COL19A1: variants seen among roughly 807,000 people sequenced by gnomAD.
COL19A1 encodes the protein collagen type XIX alpha 1 chain.
Under a neutral mutation model 190.2 loss-of-function variants are expected in COL19A1, and 159 were observed. That is an observed-to-expected ratio of 0.84 (90% confidence interval 0.73 to 0.95). The LOEUF (loss-of-function observed/expected upper bound fraction) is 0.95, where lower values mean the gene tolerates loss of function less well. Among genes scored for constraint, COL19A1 ranks in the 40% least tolerant of loss-of-function variants. The pLI is 0.00. For missense variants in COL19A1, 1,418 were observed against 1,431.9 expected (o/e 0.99, Z 0.16); for synonymous variants, 509 against 458.9 (o/e 1.11, Z -1.39).
intron 16 of COL19A1, among the ~76,000 whole-genome samples, chr6:70,116,044 C>T (rs3828772): frequency 6.6e-6 from 1 of 151,682 alleles, no homozygotes; most frequent in Non-Finnish European, 1.5e-5. Context: ...TTGAGTCCCC[C>T]AATATTTTCT....
intron 15 of COL19A1, chr6:70,098,584 G>A: frequency 2.4e-6 from 1 of 425,334 alleles, no homozygotes; most frequent in East Asian, 5.8e-5. Context: ...ATTTGCCACA[G>A]GATGACTTCT....
At chr6:69,966,139 C>T (rs997572573) in intron 11 of COL19A1, among the ~76,000 whole-genome samples, 71 of 152,232 alleles carry the variant, frequency 4.7e-4, no homozygotes, top group Admixed American at 1.0e-3. Context: ...CATTAGAAGC[C>T]GTCCGGGAGG....
chr6:69,892,167 C>T (rs972055433), intron 2 of COL19A1, among the ~76,000 whole-genome samples: 2 of 152,292 alleles, frequency 1.3e-5, no homozygotes, highest in South Asian at 2.1e-4. Flanking sequence ...AAGGAAACCT[C>T]CGAGTGGTGG....
At chr6:70,176,476 T>G in intron 41 of COL19A1, 44 bp from the exon 42 acceptor site, 1 of 1,587,736 alleles carries the variant, frequency 6.3e-7, no homozygotes, top group Non-Finnish European at 8.6e-7. Flanking sequence ...AACTAAAGAC[T>G]TCATTGATGT....
At chr6:69,868,688 T>C (rs990560871) in intron 1 of COL19A1, among the ~76,000 whole-genome samples, 3 of 152,186 alleles carry the variant, frequency 2.0e-5, no homozygotes, top group African/African-American at 7.2e-5. Context: ...ATTACCACAA[T>C]TGGGACATCA....
At chr6:70,031,365 G>A (rs1562101946) in intron 12 of COL19A1, among the ~76,000 whole-genome samples, 1 of 151,986 alleles carries the variant, frequency 6.6e-6, no homozygotes, top group Admixed American at 6.6e-5. Context: ...TTAAAAGTAT[G>A]CTTATCCTAC....
At chr6:69,902,198 A>G (rs755901380) in intron 4 of COL19A1, among the ~76,000 whole-genome samples, 2 of 152,328 alleles carry the variant, frequency 1.3e-5, no homozygotes, top group African/African-American at 2.4e-5. Context: ...CTTCTCTTGC[A>G]TGATGCCATT....
chr6:69,938,808 C>T (rs1320041668), intron 9 of COL19A1, among the ~76,000 whole-genome samples: 1 of 152,048 alleles, frequency 6.6e-6, no homozygotes, highest in African/African-American at 2.4e-5. Context: ...TCCCATGACT[C>T]AAAACTTAAC....
rs111576266 is a variant in COL19A1 at position 70,130,588 on chromosome 6, C to T, written c.1383+365C>T. ...TTTTATACGGACTTACACATTCCCA[C>T]GTAGGGGGCAGCCCCCTGGCAGCAG... On this transcript the variant is annotated intron_variant, in intron 18 of 50. Transcript: ENST00000620364. Among the ~76,000 whole-genome samples the T allele has an allele frequency of 8.3e-4, 126 of 152,320 alleles. 1 individual carries two copies. The highest frequency in any genetic ancestry group is 2.8e-3 in the African/African-American group (116 of 41,574).
intron 4 of COL19A1, among the ~76,000 whole-genome samples, chr6:69,908,299 A>G (rs1260329775): frequency 1.3e-5 from 2 of 152,176 alleles, no homozygotes; most frequent in African/African-American, 4.8e-5. Context: ...ATGCCTATTT[A>G]TGCATCCCTT....
At chr6:70,028,568 A>G (rs575493829) in intron 12 of COL19A1, among the ~76,000 whole-genome samples, 1 of 152,064 alleles carries the variant, frequency 6.6e-6, no homozygotes, top group East Asian at 1.9e-4. Context: ...CTTTTTTTGG[A>G]AGAAGATTTC....
At chr6:70,110,456 T>C (rs889124397) in intron 16 of COL19A1, among the ~76,000 whole-genome samples, 2 of 152,214 alleles carry the variant, frequency 1.3e-5, no homozygotes, top group African/African-American at 4.8e-5. Flanking sequence ...GATGACACTT[T>C]CTCAGATTTA....
chr6:70,166,278 A>G (rs1319736277), intron 37 of COL19A1, among the ~76,000 whole-genome samples: 1 of 152,182 alleles, frequency 6.6e-6, no homozygotes, highest in Non-Finnish European at 1.5e-5. Context: ...TGGGAAAGTC[A>G]TTTAACCTTA....
chr6:69,988,518 G>A (rs1378131827), intron 11 of COL19A1, among the ~76,000 whole-genome samples: 4 of 152,164 alleles, frequency 2.6e-5, no homozygotes, highest in African/African-American at 7.2e-5. Flanking sequence ...GGAATCATTT[G>A]GGAAATCACT....
In COL19A1 at chr6:69,974,828, TTTGAGACGGAGTC is replaced by T. The variant is rs1251070010; in HGVS notation, c.1026+11962_1026+11974del. Among the ~76,000 whole-genome samples the T allele has an allele frequency of 3.5e-3, 502 of 142,538 alleles. 4 individuals carry two copies. Among genetic ancestry groups the T allele is most frequent in the African/African-American group, 0.012 (423 of 35,182 alleles). 93.5% of individuals were successfully genotyped at this position (142,538 alleles called of 152,430 possible). A position where few individuals can be genotyped will look rare whatever the true frequency, so the allele number is the denominator to read the frequency against. ...TTCCTTTTTTTTTTTTTTTTTTTTT[TTTGAGACGGAGTC>T]TTGCTCTGTTGCCCAGGCTGGAGTG... On this transcript the variant is annotated intron_variant, in intron 11 of 50. Coordinates refer to ENST00000620364, the MANE Select transcript of COL19A1 (RefSeq NM_001858.6).
intron 15 of COL19A1, among the ~76,000 whole-genome samples, chr6:70,070,486 C>T (rs1174302398): frequency 6.6e-6 from 1 of 152,116 alleles, no homozygotes; most frequent in Non-Finnish European, 1.5e-5. Context: ...ATTGCTACTG[C>T]TCTTTCCCAA....
chr6:69,910,229 T>C (rs1770821487), intron 4 of COL19A1, among the ~76,000 whole-genome samples: 1 of 152,172 alleles, frequency 6.6e-6, no homozygotes, highest in African/African-American at 2.4e-5. Context: ...TTTCCAACAA[T>C]GATAATGATT....
intron 14 of COL19A1, among the ~76,000 whole-genome samples, chr6:70,037,672 C>T (rs1257960746): frequency 6.6e-6 from 1 of 152,162 alleles, no homozygotes; most frequent in Non-Finnish European, 1.5e-5. Flanking sequence ...ATTTTCAACT[C>T]ATGTTGGAAG....
At chr6:70,146,594 A>G (rs1786663782) in intron 25 of COL19A1, 65 bp from the exon 26 acceptor site, 3 of 1,231,762 alleles carry the variant, frequency 2.4e-6, no homozygotes, top group South Asian at 3.1e-5. Context: ...TATTTTAGTT[A>G]TAACTTCTAA....
Sources: gnomAD v4.1 joint callset for allele counts (sites outside exome capture counted in the v4.1 genomes callset) on GRCh38, gnomAD v4.1.1 for gene constraint, MANE v1.5 for transcripts, NCBI Gene and HGNC (gene_info 2026-07-23, HGNC 2026-07-21) for gene names.